Variants in CACNA2D3 observed in about 807,000 individuals in gnomAD.
CACNA2D3 encodes calcium voltage-gated channel auxiliary subunit alpha2delta 3.
Under a neutral mutation model 160.6 loss-of-function variants are expected in CACNA2D3, and 60 were observed. That is an observed-to-expected ratio of 0.37 (90% confidence interval 0.30 to 0.46). CACNA2D3 has a LOEUF of 0.46. Among genes scored for constraint, CACNA2D3 ranks in the 20% least tolerant of loss-of-function variants. The probability of loss-of-function intolerance (pLI) is 1.00; values close to 1 mark genes in which losing one functional copy is unlikely to be tolerated. For missense variants in CACNA2D3, 1,205 were observed against 1,365.0 expected, an observed-to-expected ratio of 0.88 and a Z score of 1.85; for synonymous variants, 558 against 492.9, an observed-to-expected ratio of 1.13 and a Z score of -1.75.
intron 13 of CACNA2D3, among the ~76,000 whole-genome samples, chr3:54,792,597 C>T (rs1005171157): frequency 3.3e-5 from 5 of 152,098 alleles, no homozygotes; most frequent in Non-Finnish European, 1.5e-5. Context: ...TCAGATGAGG[C>T]TTTTTCCCCT....
At position 54,283,966 on chromosome 3, in the gene CACNA2D3, G is replaced by A. The variant is rs183248230; in HGVS notation, c.205-36476G>A. ...AGTCCCAGCTACTCAGGAGGCTGAGGCACGGGAATTGCTTGAACACAGGAG... is the reference window on the plus strand; with the variant it reads ...AGTCCCAGCTACTCAGGAGGCTGAGACACGGGAATTGCTTGAACACAGGAG... On this transcript the variant is annotated intron_variant, in intron 2 of 37. Coordinates refer to ENST00000474759, the MANE Select transcript of CACNA2D3 (RefSeq NM_018398.3). Among the ~76,000 whole-genome samples the A allele has an allele frequency of 1.8e-3, 273 of 152,234 alleles. 1 individual carries two copies. The highest frequency in any genetic ancestry group is 5.8e-3 in the African/African-American group (242 of 41,552).
intron 2 of CACNA2D3, among the ~76,000 whole-genome samples, chr3:54,173,323 A>G (rs561475793): frequency 6.6e-6 from 1 of 152,358 alleles, no homozygotes; most frequent in South Asian, 2.1e-4. Context: ...CCTAAAGTGC[A>G]CATTATTACC....
intron 11 of CACNA2D3, among the ~76,000 whole-genome samples, chr3:54,730,803 G>A (rs1320900285): frequency 6.6e-6 from 1 of 152,092 alleles, no homozygotes; most frequent in Non-Finnish European, 1.5e-5. Context: ...GTGCCCGCCC[G>A]AAACAGAATT....
At chr3:54,255,294 C>A (rs1013220622) in intron 2 of CACNA2D3, among the ~76,000 whole-genome samples, 1 of 152,140 alleles carries the variant, frequency 6.6e-6, no homozygotes, top group African/African-American at 2.4e-5. Flanking sequence ...TTCACTCAGG[C>A]ATCTTATAGA....
At chr3:54,828,929 C>A (rs1376295133) in intron 14 of CACNA2D3, among the ~76,000 whole-genome samples, 1 of 152,154 alleles carries the variant, frequency 6.6e-6, no homozygotes, top group Non-Finnish European at 1.5e-5. Flanking sequence ...CCAAGACAAT[C>A]AAGTGAAAAG....
At chr3:54,581,220 G>GT (rs1309216969) in intron 8 of CACNA2D3, among the ~76,000 whole-genome samples, 3 of 152,318 alleles carry the variant, frequency 2.0e-5, no homozygotes, top group Non-Finnish European at 4.4e-5. Context: ...AATAAAAAGT[G>GT]TGGGGGGGTC....
chr3:54,541,507 C>T (rs1435722736), intron 5 of CACNA2D3, among the ~76,000 whole-genome samples: 1 of 152,110 alleles, frequency 6.6e-6, no homozygotes, highest in Non-Finnish European at 1.5e-5. Flanking sequence ...AATGACTTTA[C>T]TCCAGGCTTC....
chr3:54,541,350 A>G (rs1402985775), intron 5 of CACNA2D3, among the ~76,000 whole-genome samples: 1 of 151,850 alleles, frequency 6.6e-6, no homozygotes, highest in Admixed American at 6.6e-5. Context: ...AGGCACATAG[A>G]GAAGATGGTC....
At chr3:54,257,036 A>G (rs1702311498) in intron 2 of CACNA2D3, among the ~76,000 whole-genome samples, 1 of 152,242 alleles carries the variant, frequency 6.6e-6, no homozygotes, top group South Asian at 2.1e-4. Context: ...CCACTGAAGC[A>G]GAAATGCAGA....
At chr3:54,568,744 G>C (rs187731787) in intron 6 of CACNA2D3, among the ~76,000 whole-genome samples, 121 of 152,062 alleles carry the variant, frequency 8.0e-4, no homozygotes, top group African/African-American at 2.0e-3. Flanking sequence ...TTTTAAATTA[G>C]ACACATGTGC....
At chr3:55,025,634 CAAAAAAAAAAAAA>C (rs10717273) in intron 35 of CACNA2D3, among the ~76,000 whole-genome samples, 10 of 63,286 alleles carry the variant, frequency 1.6e-4, no homozygotes, top group Admixed American at 6.5e-4. Flanking sequence ...ACTCTATCTC[CAAAAAAAAAAAAA>C]AAAAAAAAAA....
At chr3:54,479,587 C>G (rs1401502544) in intron 4 of CACNA2D3, among the ~76,000 whole-genome samples, 6 of 152,178 alleles carry the variant, frequency 3.9e-5, no homozygotes, top group Non-Finnish European at 5.9e-5. Context: ...TGATGAAGTC[C>G]TGAGCTTGGC....
chr3:54,679,704 CAT>C (rs902700105), intron 11 of CACNA2D3, among the ~76,000 whole-genome samples: 19 of 152,370 alleles, frequency 1.2e-4, no homozygotes, highest in Admixed American at 1.0e-3. Context: ...TCTTTGAAAA[CAT>C]GCTTCGCAGT....
At position 54,354,623 on chromosome 3, in the gene CACNA2D3, C is replaced by A. The variant is rs2107535940; in HGVS notation, c.322-32092C>A. 1.3e-5 allele frequency among the ~76,000 whole-genome samples: 2 copies of A among 152,166 alleles called. 1 individual carries two copies. The highest frequency in any genetic ancestry group is 4.2e-4 in the South Asian group (2 of 4,812). On this transcript the variant is annotated intron_variant, in intron 3 of 37. Coordinates refer to ENST00000474759, the MANE Select transcript of CACNA2D3 (RefSeq NM_018398.3). The stretch of plus-strand genomic sequence containing the variant: ...CTAAGCAAAGCCAATTGAATGAATG[C>A]AAAATTAGCCAAAAGGAAAAAGAAA...
chr3:54,415,339 G>T (rs1699737072), intron 4 of CACNA2D3, among the ~76,000 whole-genome samples: 1 of 152,072 alleles, frequency 6.6e-6, no homozygotes, highest in African/African-American at 2.4e-5. Context: ...CCTTGAATCT[G>T]GTGGCAATCC....
At chr3:54,558,484 C>A (rs1702274028) in intron 5 of CACNA2D3, among the ~76,000 whole-genome samples, 1 of 151,804 alleles carries the variant, frequency 6.6e-6, no homozygotes, top group Non-Finnish European at 1.5e-5. Context: ...GGGTAAATTG[C>A]ATGTCACATG....
chr3:54,354,729 C>T (rs774042128), intron 3 of CACNA2D3, among the ~76,000 whole-genome samples: 3 of 152,216 alleles, frequency 2.0e-5, no homozygotes, highest in East Asian at 3.8e-4. Context: ...TCTAAGACCA[C>T]GTCTGCTGGA....
intron 4 of CACNA2D3, among the ~76,000 whole-genome samples, chr3:54,445,763 G>A (rs1255648542): frequency 6.6e-6 from 1 of 152,092 alleles, no homozygotes; most frequent in African/African-American, 2.4e-5. Flanking sequence ...AAACAGAAAG[G>A]ATCCATCCAA....
intron 29 of CACNA2D3, among the ~76,000 whole-genome samples, chr3:54,975,765 A>T (rs1702376867): frequency 6.6e-6 from 1 of 151,050 alleles, no homozygotes; most frequent in Non-Finnish European, 1.5e-5. Flanking sequence ...GTGGAGATGG[A>T]TAGAAAAAAT....
Sources: allele counts gnomAD v4.1 joint callset (sites outside exome capture counted in the v4.1 genomes callset), GRCh38; gene constraint gnomAD v4.1.1; transcripts MANE v1.5; gene names NCBI Gene and HGNC (gene_info 2026-07-23, HGNC 2026-07-21).